RIMS1: variants seen among roughly 807,000 people sequenced by gnomAD.
RIMS1 encodes regulating synaptic membrane exocytosis 1.
RIMS1 carries 83 observed loss-of-function variants against 214.1 expected under a neutral mutation model. The ratio of observed to expected loss-of-function variants is 0.39; its 90% CI spans 0.32 to 0.47. The LOEUF is 0.47. RIMS1 is among the 20% of genes least tolerant of loss of function. The probability of loss-of-function intolerance (pLI) is 0.99; values close to 1 mark genes in which losing one functional copy is unlikely to be tolerated. For missense variants in RIMS1, 2,050 were observed against 2,161.8 expected (o/e 0.95, Z 1.03); for synonymous variants, 793 against 786.8 (o/e 1.01, Z -0.13).
intron 4 of RIMS1, among the ~76,000 whole-genome samples, chr6:72,145,387 G>A (rs1248122258): frequency 6.6e-6 from 1 of 152,146 alleles, no homozygotes; most frequent in Non-Finnish European, 1.5e-5. Flanking sequence ...GGCTGAGGCA[G>A]GTGGTCCACA....
At chr6:71,982,014 G>A (rs1407224254) in intron 2 of RIMS1, among the ~76,000 whole-genome samples, 1 of 151,554 alleles carries the variant, frequency 6.6e-6, no homozygotes, top group East Asian at 1.9e-4. Context: ...ATTTCAAGAT[G>A]GATTATATTA....
intron 1 of RIMS1, among the ~76,000 whole-genome samples, chr6:71,904,342 A>C (rs1276433780): frequency 2.0e-5 from 3 of 152,168 alleles, no homozygotes; most frequent in Non-Finnish European, 4.4e-5. Context: ...CAGATTGGAA[A>C]GTAGGAGAAA....
intron 29 of RIMS1, among the ~76,000 whole-genome samples, chr6:72,341,562 G>C (rs372209919): frequency 3.6e-4 from 54 of 151,808 alleles, no homozygotes; most frequent in Middle Eastern, 3.4e-3. Context: ...TTGTACTATT[G>C]GGTAACTGTA....
chr6:71,975,064 A>T (rs1351466675), intron 2 of RIMS1, among the ~76,000 whole-genome samples: 1 of 152,204 alleles, frequency 6.6e-6, no homozygotes, highest in African/African-American at 2.4e-5. Context: ...AAATTTTTTA[A>T]AAAGCCAGAC....
At chr6:72,357,193 C>T (rs1390051310) in intron 29 of RIMS1, among the ~76,000 whole-genome samples, 1 of 152,158 alleles carries the variant, frequency 6.6e-6, no homozygotes, top group East Asian at 1.9e-4. Context: ...AAATATTTCC[C>T]ATTAACCTTG....
intron 1 of RIMS1, among the ~76,000 whole-genome samples, chr6:71,921,139 TA>T (rs1285893105): frequency 6.6e-6 from 1 of 152,130 alleles, no homozygotes; most frequent in Non-Finnish European, 1.5e-5. Context: ...TATTTTATTT[TA>T]TTTTTTGAGA....
At chr6:72,345,114 A>G (rs1248089614) in intron 29 of RIMS1, among the ~76,000 whole-genome samples, 1 of 151,804 alleles carries the variant, frequency 6.6e-6, no homozygotes, top group Admixed American at 6.6e-5. Context: ...GCAGCTAAAG[A>G]TGTAACAAGA....
intron 4 of RIMS1, among the ~76,000 whole-genome samples, chr6:72,124,255 A>C (rs914415481): frequency 6.6e-6 from 1 of 151,810 alleles, no homozygotes; most frequent in Admixed American, 6.6e-5. Context: ...TGGATATGAA[A>C]ATCTGGGTTG....
intron 4 of RIMS1, among the ~76,000 whole-genome samples, chr6:72,116,620 C>T (rs530721865): frequency 6.6e-6 from 1 of 151,892 alleles, no homozygotes; most frequent in Non-Finnish European, 1.5e-5. Flanking sequence ...GAGTAAATAT[C>T]TTAGGCTTTG....
Position 72,400,757 on chromosome 6 carries a change from G to T in RIMS1, c.*43G>T. On this transcript the variant is annotated 3_prime_UTR_variant, in exon 34 of 34. Coordinates refer to ENST00000521978, the MANE Select transcript of RIMS1 (RefSeq NM_014989.7). ...CATTCCAATAAAACTCTACTTTTCA[G>T]GATAATAATCTGAACCAGATATTTC... 1 of 1,432,582 alleles carries T rather than the reference G, an allele frequency of 7.0e-7. No homozygotes were observed. The highest frequency in any genetic ancestry group is 9.7e-7 in the Non-Finnish European group (1 of 1,027,206). 88.7% of individuals were successfully genotyped at this position (1,432,582 alleles called of 1,614,324 possible).
At chr6:72,105,453 T>A (rs2034553324) in intron 4 of RIMS1, among the ~76,000 whole-genome samples, 2 of 152,118 alleles carry the variant, frequency 1.3e-5, no homozygotes, top group Non-Finnish European at 2.9e-5. Context: ...TAAGCTTACT[T>A]TTGTTTAACC....
At chr6:71,889,349 G>A (rs1388331246) in intron 1 of RIMS1, among the ~76,000 whole-genome samples, 1 of 152,172 alleles carries the variant, frequency 6.6e-6, no homozygotes, top group East Asian at 1.9e-4. Context: ...ATAAAAATTA[G>A]GAGCACTGTC....
At chr6:72,291,788 A>G (rs897600690) in intron 25 of RIMS1, 146 bp from the exon 26 acceptor site, 3 of 688,840 alleles carry the variant, frequency 4.4e-6, no homozygotes, top group Admixed American at 2.1e-5. Flanking sequence ...CCATTTACAC[A>G]TATCATAAAA....
At chr6:72,265,082 G>A in intron 20 of RIMS1, 30 bp downstream of exon 20, 1 of 1,291,546 alleles carries the variant, frequency 7.7e-7, no homozygotes, top group Non-Finnish European at 1.1e-6. Flanking sequence ...GTCCCACCCA[G>A]TTATAAAGTA....
At chr6:71,986,381 A>G (rs1208861309) in intron 2 of RIMS1, among the ~76,000 whole-genome samples, 2 of 152,106 alleles carry the variant, frequency 1.3e-5, no homozygotes, top group Non-Finnish European at 1.5e-5. Flanking sequence ...TTTCTGGTGG[A>G]CAAAATCAGG....
At chr6:72,079,808 C>A (rs1269752010) in intron 2 of RIMS1, among the ~76,000 whole-genome samples, 2 of 151,800 alleles carry the variant, frequency 1.3e-5, no homozygotes, top group Non-Finnish European at 2.9e-5. Flanking sequence ...TTGCCTGAGC[C>A]AGGCGATTGA....
intron 22 of RIMS1, among the ~76,000 whole-genome samples, chr6:72,271,286 A>AAAAAATAT (rs1417580438): frequency 3.6e-4 from 16 of 44,404 alleles, no homozygotes; most frequent in Non-Finnish European, 4.8e-4. Context: ...AAAAAAAAAA[A>AAAAAATAT]ATATATATAT....
chr6:72,357,924 A>G (rs979994184), intron 29 of RIMS1, among the ~76,000 whole-genome samples: 2 of 152,230 alleles, frequency 1.3e-5, no homozygotes, highest in African/African-American at 4.8e-5. Flanking sequence ...AGATTGAGAC[A>G]TCAAAAAATA....
intron 4 of RIMS1, among the ~76,000 whole-genome samples, chr6:72,143,456 G>T (rs1647815594): frequency 6.6e-6 from 1 of 152,158 alleles, no homozygotes; most frequent in Non-Finnish European, 1.5e-5. Flanking sequence ...TCAACCTATG[G>T]CCTTGGTATT....
Sources: allele counts gnomAD v4.1 joint callset (sites outside exome capture counted in the v4.1 genomes callset), GRCh38; gene constraint gnomAD v4.1.1; transcripts MANE v1.5; gene names NCBI Gene and HGNC (gene_info 2026-07-23, HGNC 2026-07-21).